Variants in NOS1 observed in about 807,000 individuals in gnomAD.
NOS1 encodes the protein nitric oxide synthase 1.
In NOS1, 51 loss-of-function variants were observed where a neutral mutation model predicts 164.5. The observed-to-expected ratio is 0.31, with a 90% CI of 0.25 to 0.39. The LOEUF is 0.39. NOS1 is among the 10% of genes least tolerant of loss of function. NOS1 has a pLI of 1.00. For missense variants in NOS1, 1,362 were observed against 1,885.6 expected, an observed-to-expected ratio of 0.72 and a Z score of 5.14; for synonymous variants, 719 against 745.8, an observed-to-expected ratio of 0.96 and a Z score of 0.59.
chr12:117,322,386 G>A (rs531976408), intron 2 of NOS1, among the ~76,000 whole-genome samples: 3 of 84,340 alleles, frequency 3.6e-5, no homozygotes, highest in African/African-American at 4.7e-5. Flanking sequence ...TCCCTCGTTC[G>A]TTCTCTCTTC....
At chr12:117,331,645 A>C (rs929301031) in intron 1 of NOS1, among the ~76,000 whole-genome samples, 156 bp from the exon 2 acceptor site, 16 of 152,272 alleles carry the variant, frequency 1.1e-4, no homozygotes, top group Non-Finnish European at 1.0e-4. Flanking sequence ...CTAGAAACAA[A>C]ATCCTTCTTC....
At chr12:117,277,784 C>T (rs766052313) in intron 9 of NOS1, among the ~76,000 whole-genome samples, 175 bp downstream of exon 9, 1 of 152,100 alleles carries the variant, frequency 6.6e-6, no homozygotes, top group Non-Finnish European at 1.5e-5. Context: ...GGTCTTTTTG[C>T]TCCTTGAGGG....
intron 10 of NOS1, among the ~76,000 whole-genome samples, chr12:117,268,735 G>T (rs1436657389): frequency 1.3e-5 from 2 of 151,318 alleles, no homozygotes; most frequent in African/African-American, 4.9e-5. Flanking sequence ...GACTACAGGC[G>T]GCCGCCACCA....
chr12:117,310,826 T>A (rs1874393046), intron 3 of NOS1, among the ~76,000 whole-genome samples: 1 of 151,992 alleles, frequency 6.6e-6, no homozygotes, highest in Non-Finnish European at 1.5e-5. Context: ...AAAAAAAATT[T>A]TTTTTTTAAA....
chr12:117,333,885 C>G (rs2136077807), intron 1 of NOS1, among the ~76,000 whole-genome samples: 1 of 152,290 alleles, frequency 6.6e-6, no homozygotes, highest in East Asian at 1.9e-4. Context: ...GGTACCAAAC[C>G]CAGGATGCTC....
At chr12:117,286,980 C>T (rs1457304007) in intron 5 of NOS1, among the ~76,000 whole-genome samples, 2 of 152,090 alleles carry the variant, frequency 1.3e-5, no homozygotes, top group Non-Finnish European at 2.9e-5. Context: ...TTTGGGAGGC[C>T]GAGGAGGGTG....
intron 10 of NOS1, among the ~76,000 whole-genome samples, chr12:117,271,571 G>T (rs1437865679): frequency 6.6e-6 from 1 of 152,176 alleles, no homozygotes; most frequent in Middle Eastern, 3.2e-3. Context: ...ACCGCGCCCA[G>T]CCAACCGGTG....
At chr12:117,227,004 C>T (rs544003461) in intron 23 of NOS1, among the ~76,000 whole-genome samples, 3 of 152,216 alleles carry the variant, frequency 2.0e-5, no homozygotes, top group South Asian at 2.1e-4. Context: ...GAATCCTTCC[C>T]TATTGAAGGG....
At chr12:117,233,678 C>T (rs540899254) in intron 21 of NOS1, among the ~76,000 whole-genome samples, 9 of 151,670 alleles carry the variant, frequency 5.9e-5, no homozygotes, top group Non-Finnish European at 1.2e-4. Flanking sequence ...TGTGGTGGCA[C>T]GCGCCTGTAA....
In NOS1 at chr12:117,278,112, C is replaced by T. The variant is rs768754561; in HGVS notation, c.1525-14G>A. The T allele has an allele frequency of 2.6e-5, 41 of 1,606,058 alleles. No homozygotes were observed. In the East Asian group the frequency reaches 5.8e-4, roughly 23 times the overall value. On this transcript the variant is annotated splice_polypyrimidine_tract_variant and intron_variant, in intron 8 of 28. Transcript: ENST00000317775. ...CTGTATGCATATCTGCAAGCAGACCCGGCCAGGTAATGCCACTGTACCCCA... is the reference window on the plus strand; with the variant it reads ...CTGTATGCATATCTGCAAGCAGACCTGGCCAGGTAATGCCACTGTACCCCA...
At chr12:117,257,915 C>T (rs1276317174) in intron 16 of NOS1, among the ~76,000 whole-genome samples, 1 of 151,662 alleles carries the variant, frequency 6.6e-6, no homozygotes, top group Non-Finnish European at 1.5e-5. Flanking sequence ...AGCGATTCTC[C>T]CGCCTCAGCC....
intron 1 of NOS1, among the ~76,000 whole-genome samples, chr12:117,352,335 ACAACCCTCTCAAGCT>A (rs1272847794): frequency 1.3e-5 from 2 of 152,200 alleles, no homozygotes; most frequent in African/African-American, 4.8e-5. Context: ...TCAGTTCTGC[ACAACCCTCTCAAGCT>A]CAAGTGCATT....
intron 2 of NOS1, among the ~76,000 whole-genome samples, chr12:117,320,907 C>G (rs1313145436): frequency 6.6e-6 from 1 of 152,154 alleles, no homozygotes; most frequent in Admixed American, 6.5e-5. Context: ...CCCTTCCTGA[C>G]CCCCCTATCT....
intron 27 of NOS1, among the ~76,000 whole-genome samples, chr12:117,219,303 GT>G (rs10595279): frequency 0.056 from 8,354 of 149,710 alleles, 476 homozygotes; most frequent in African/African-American, 0.14. Flanking sequence ...GTTTTGTTTT[GT>G]TTTTTTTGTT....
chr12:117,265,230 T>A, intron 12 of NOS1, 86 bp downstream of exon 12: 1 of 1,270,564 alleles, frequency 7.9e-7, no homozygotes, highest in South Asian at 2.0e-5. Context: ...TCCAGAGCAC[T>A]AGCCTGGGTT....
At chr12:117,246,975 G>A (rs816353) in intron 18 of NOS1, among the ~76,000 whole-genome samples, 2 of 151,908 alleles carry the variant, frequency 1.3e-5, no homozygotes, top group Admixed American at 6.6e-5. Flanking sequence ...AGGGGTAGGC[G>A]TGTCAAAATT....
intron 27 of NOS1, 44 bp downstream of exon 27, chr12:117,220,031 G>A (rs1956676754): frequency 6.4e-7 from 1 of 1,550,492 alleles, no homozygotes; most frequent in African/African-American, 1.4e-5. Context: ...GGATAGGAGA[G>A]TGGATGTAGG....
intron 9 of NOS1, among the ~76,000 whole-genome samples, chr12:117,274,039 TG>T (rs1380951533): frequency 6.6e-6 from 1 of 151,968 alleles, no homozygotes; most frequent in Non-Finnish European, 1.5e-5. Flanking sequence ...ACCTAAAGAA[TG>T]GGGGAAAATA....
Position 117,330,300 on chromosome 12 carries a change from GCACACACA to G in NOS1, c.725+37_725+44del, listed in dbSNP as rs111326073. 1.6e-5 allele frequency: 24 copies of G among 1,492,176 alleles called. No individual in the cohort carries two copies. In the South Asian group the frequency reaches 1.6e-4, roughly 10 times the overall value. 92.4% of individuals were successfully genotyped at this position (1,492,176 alleles called of 1,614,324 possible). A position where few individuals can be genotyped will look rare whatever the true frequency, so the allele number is the denominator to read the frequency against. ...GACGCACATGCACACACACAAGCAT[GCACACACA>G]CACACACACACACACACACACCCCT... On this transcript the variant is annotated intron_variant, in intron 2 of 28. Transcript: ENST00000317775. The surrounding 1 kb of genome is among the most constrained non-coding windows in gnomAD (Gnocchi z 4.6).
Sources: allele counts gnomAD v4.1 joint callset (sites outside exome capture counted in the v4.1 genomes callset), GRCh38; gene constraint gnomAD v4.1.1; non-coding constraint Gnocchi (gnomAD v3.1); transcripts MANE v1.5; gene names NCBI Gene and HGNC (gene_info 2026-07-23, HGNC 2026-07-21).